ASH1L: variants seen among roughly 807,000 people sequenced by gnomAD.
The protein encoded by ASH1L is histone-lysine N-methyltransferase ASH1L.
ASH1L carries 23 observed loss-of-function variants against 269.0 expected under a neutral mutation model. The observed-to-expected ratio is 0.09, with a 90% CI of 0.06 to 0.12. The LOEUF is 0.12. ASH1L is among the 10% of genes least tolerant of loss of function. The probability of loss-of-function intolerance (pLI) is 1.00; values close to 1 mark genes in which losing one functional copy is unlikely to be tolerated. For synonymous variants in ASH1L, 1,187 were observed against 1,253.5 expected (o/e 0.95, Z 1.12); for missense variants, 2,912 against 3,567.8 (o/e 0.82, Z 4.68).
At chr1:155,446,081 A>C (rs1449233623) in intron 4 of ASH1L, among the ~76,000 whole-genome samples, 11 of 138,398 alleles carry the variant, frequency 7.9e-5, no homozygotes, top group African/African-American at 3.0e-4. Context: ...ACGGGGTTTC[A>C]CCATGTTGGC....
intron 1 of ASH1L, among the ~76,000 whole-genome samples, chr1:155,549,233 C>T (rs916340666): frequency 6.6e-6 from 1 of 152,048 alleles, no homozygotes; most frequent in Non-Finnish European, 1.5e-5. Context: ...ATCCCACCTA[C>T]GCAGGAAGCT....
At chr1:155,359,344 C>A (rs1012774305) in intron 13 of ASH1L, among the ~76,000 whole-genome samples, 1 of 151,958 alleles carries the variant, frequency 6.6e-6, no homozygotes, top group African/African-American at 2.4e-5. Flanking sequence ...AGTGCATTGG[C>A]GCGATCTCTG....
At chr1:155,381,108 G>A (rs1233297253) in intron 7 of ASH1L, among the ~76,000 whole-genome samples, 1 of 152,100 alleles carries the variant, frequency 6.6e-6, no homozygotes, top group Non-Finnish European at 1.5e-5. Context: ...TGATGCTGGT[G>A]CAAATAAACC....
At chr1:155,387,098 C>CAA (rs1657501608) in intron 7 of ASH1L, among the ~76,000 whole-genome samples, 1 of 151,918 alleles carries the variant, frequency 6.6e-6, no homozygotes, top group Non-Finnish European at 1.5e-5. Flanking sequence ...CTCAGCCTCT[C>CAA]AAGTAGCTGG....
intron 6 of ASH1L, among the ~76,000 whole-genome samples, chr1:155,407,590 A>C (rs1659402225): frequency 6.6e-6 from 1 of 152,198 alleles, no homozygotes; most frequent in African/African-American, 2.4e-5. Flanking sequence ...TACAGCTATA[A>C]AAAATAAAAA....
At chr1:155,395,031 G>T (rs1474508740) in intron 7 of ASH1L, among the ~76,000 whole-genome samples, 1 of 152,126 alleles carries the variant, frequency 6.6e-6, no homozygotes. Flanking sequence ...CAAAATCCTA[G>T]GCTTGGGTGA....
intron 7 of ASH1L, 27 bp downstream of exon 7, chr1:155,395,432 A>G: frequency 6.6e-7 from 1 of 1,515,602 alleles, no homozygotes; most frequent in Non-Finnish European, 9.0e-7. Flanking sequence ...TCTTCTCAGC[A>G]ATACATTGTG....
At chr1:155,514,579 G>A (rs1368727466) in intron 2 of ASH1L, among the ~76,000 whole-genome samples, 1 of 151,838 alleles carries the variant, frequency 6.6e-6, no homozygotes, top group Non-Finnish European at 1.5e-5. Context: ...TTTAGACTAT[G>A]GAAATGTTAG....
intron 4 of ASH1L, among the ~76,000 whole-genome samples, chr1:155,446,816 G>C (rs1247103939): frequency 1.3e-5 from 2 of 149,758 alleles, no homozygotes; most frequent in African/African-American, 4.9e-5. Context: ...GTAGAGACGG[G>C]GTTTCATCGT....
intron 4 of ASH1L, among the ~76,000 whole-genome samples, chr1:155,453,724 G>A (rs755456949): frequency 1.3e-5 from 2 of 152,100 alleles, no homozygotes; most frequent in Non-Finnish European, 2.9e-5. Context: ...ACTTGAACCC[G>A]GGAGGCAGAG....
chr1:155,378,000 G>A (rs1656609131), intron 10 of ASH1L, among the ~76,000 whole-genome samples: 1 of 151,332 alleles, frequency 6.6e-6, no homozygotes, highest in South Asian at 2.1e-4. Flanking sequence ...TCCAGCCTGG[G>A]CGACAGAGGG....
intron 15 of ASH1L, among the ~76,000 whole-genome samples, chr1:155,356,404 G>A (rs960128863): frequency 4.6e-5 from 7 of 152,090 alleles, no homozygotes; most frequent in Non-Finnish European, 7.4e-5. Flanking sequence ...GGAGGCTGAG[G>A]CAGGTGGATC....
In ASH1L at chr1:155,335,829, CTCTT is replaced by C. The variant is rs891539043; in HGVS notation, c.*1827_*1830del. On this transcript the variant is annotated 3_prime_UTR_variant, in exon 28 of 28. Coordinates refer to ENST00000392403, the MANE Select transcript of ASH1L (RefSeq NM_018489.3). ...TATAAAGGAAACATTGAATTTTAAT[CTCTT>C]TCTTGTCATTTTCTCGCTTTTGACT... The C allele has an allele frequency of 2.0e-5, 3 of 151,952 alleles. No individual in the cohort carries two copies. The highest frequency in any genetic ancestry group is 4.9e-5 in the African/African-American group (2 of 41,182). 9.4% of individuals were successfully genotyped at this position (151,952 alleles called of 1,614,324 possible).
intron 1 of ASH1L, among the ~76,000 whole-genome samples, chr1:155,558,000 GACCACC>G (rs1015340065): frequency 6.6e-6 from 1 of 152,102 alleles, no homozygotes; most frequent in African/African-American, 2.4e-5. Context: ...TTTAAATGGA[GACCACC>G]ACCACCACAA....
At chr1:155,516,299 T>C (rs1668499216) in intron 2 of ASH1L, among the ~76,000 whole-genome samples, 1 of 152,190 alleles carries the variant, frequency 6.6e-6, no homozygotes, top group South Asian at 2.1e-4. Context: ...GAAAATAACC[T>C]ACTCTCATTT....
chr1:155,433,411 G>A (rs1198343928), intron 5 of ASH1L: 2 of 1,607,492 alleles, frequency 1.2e-6, no homozygotes, highest in Non-Finnish European at 1.7e-6. Context: ...CGTACTGTGG[G>A]CCTCAGGTTG....
At chr1:155,418,789 G>A (rs541294947) in intron 5 of ASH1L, among the ~76,000 whole-genome samples, 3 of 152,290 alleles carry the variant, frequency 2.0e-5, no homozygotes, top group Admixed American at 2.0e-4. Context: ...AGCTAAAGAG[G>A]CTGGGCGCAG....
In ASH1L at chr1:155,470,804, G is replaced by A. The variant is rs57331991; in HGVS notation, c.4984+7082C>T. 1.2e-3 allele frequency among the ~76,000 whole-genome samples: 176 copies of A among 151,978 alleles called. 1 individual carries two copies. The East Asian group carries it at 0.016, about 14-fold the overall frequency. ...TAACCTCAAGTGGCCCACCCACCTC[G>A]GCCTCCCAAAGTGCTGGAATTACAG... is the stretch of plus-strand genomic sequence containing the variant. On this transcript the variant is annotated intron_variant, in intron 3 of 27. Coordinates refer to ENST00000392403, the MANE Select transcript of ASH1L (RefSeq NM_018489.3).
intron 1 of ASH1L, among the ~76,000 whole-genome samples, chr1:155,544,962 C>T (rs555636924): frequency 6.6e-6 from 1 of 151,098 alleles, no homozygotes; most frequent in Non-Finnish European, 1.5e-5. Flanking sequence ...CACCTGAGGT[C>T]GGGAGTTCGA....
Sources: gnomAD v4.1 joint callset for allele counts (sites outside exome capture counted in the v4.1 genomes callset) on GRCh38, gnomAD v4.1.1 for gene constraint, MANE v1.5 for transcripts, NCBI Gene and HGNC (gene_info 2026-07-23, HGNC 2026-07-21) for gene names.